Variants in KCTD8 observed in about 807,000 individuals in gnomAD.
KCTD8 encodes potassium channel tetramerization domain containing 8, also known as BTB/POZ domain-containing protein KCTD8.
A neutral mutation model predicts 31.5 loss-of-function variants in KCTD8; 27 were observed. That is an observed-to-expected ratio of 0.86 (90% CI 0.63 to 1.18). The LOEUF is 1.18. Among genes scored for constraint, KCTD8 ranks in the 50% most tolerant of loss-of-function variants. KCTD8 has a pLI of 0.00. For missense variants in KCTD8, 658 were observed against 647.7 expected, an observed-to-expected ratio of 1.02 and a Z score of -0.17; for synonymous variants, 290 against 280.0, an observed-to-expected ratio of 1.04 and a Z score of -0.36.
intron 1 of KCTD8, among the ~76,000 whole-genome samples, chr4:44,399,497 C>G (rs1720593095): frequency 6.6e-6 from 1 of 152,112 alleles, no homozygotes; most frequent in Non-Finnish European, 1.5e-5. Context: ...AGATCTAACT[C>G]AGAGGTGGAC....
intron 1 of KCTD8, among the ~76,000 whole-genome samples, chr4:44,376,569 T>A (rs1255203272): frequency 6.6e-6 from 1 of 152,224 alleles, no homozygotes; most frequent in Non-Finnish European, 1.5e-5. Flanking sequence ...GAAACCTATG[T>A]GATTTTCATC....
intron 1 of KCTD8, among the ~76,000 whole-genome samples, chr4:44,423,046 G>A (rs373137625): frequency 6.6e-6 from 1 of 152,118 alleles, no homozygotes; most frequent in African/African-American, 2.4e-5. Flanking sequence ...TTCTCAACCA[G>A]GGCAGTTTAC....
chr4:44,368,361 G>A (rs1198095822), intron 1 of KCTD8, among the ~76,000 whole-genome samples: 1 of 151,784 alleles, frequency 6.6e-6, no homozygotes, highest in South Asian at 2.1e-4. Context: ...CTCCAGCCCA[G>A]GTGACTGAGC....
intron 1 of KCTD8, among the ~76,000 whole-genome samples, chr4:44,288,906 T>C (rs2109383663): frequency 6.9e-6 from 1 of 145,890 alleles, no homozygotes; most frequent in Admixed American, 7.1e-5. Context: ...TATTCTTATT[T>C]GAACTTTTCT....
chr4:44,225,388 T>C (rs1714926778), intron 1 of KCTD8, among the ~76,000 whole-genome samples: 2 of 152,218 alleles, frequency 1.3e-5, no homozygotes, highest in Non-Finnish European at 2.9e-5. Context: ...TATAAGGTTT[T>C]ATTGGAACAC....
At chr4:44,192,423 G>C (rs963240506) in intron 1 of KCTD8, among the ~76,000 whole-genome samples, 5 of 149,278 alleles carry the variant, frequency 3.3e-5, no homozygotes, top group Admixed American at 3.3e-4. Context: ...TGTCCTGAGG[G>C]GAAAAAAAAA....
intron 1 of KCTD8, among the ~76,000 whole-genome samples, chr4:44,263,522 C>T (rs1020355015): frequency 1.3e-5 from 2 of 151,880 alleles, no homozygotes; most frequent in Admixed American, 6.6e-5. Flanking sequence ...GATTATTATA[C>T]AATTTAGTAT....
Position 44,448,156 on chromosome 4 carries a change from T to G in KCTD8, c.368A>C (p.His123Pro), listed in dbSNP as rs748990834. Residue 123 changes from histidine (H) to proline (P), a missense_variant, in exon 1 of 2, where the codon CAC (histidine) becomes CCC (proline). Physicochemically the swap from His to Pro is moderately conservative, Grantham distance 77. Coordinates refer to ENST00000360029, the MANE Select transcript of KCTD8 (RefSeq NM_198353.3). This position sits in a 1 kb window ranked among gnomAD's most constrained non-coding sequence, Gnocchi z 4.1. ...CAGCAGCCGCTCCTTCTCGGGGAAG[T>G]GCTCCGGCAGCGCGAGTTGCTTGTC... ...LRDKQLALPE[H>P]FPEKERLLRE... The G allele has an allele frequency of 4.7e-5, 75 of 1,612,242 alleles. No homozygotes were observed. The highest frequency in any genetic ancestry group is 6.4e-5 in the Non-Finnish European group (75 of 1,179,714).
At chr4:44,236,954 C>T (rs1054333105) in intron 1 of KCTD8, among the ~76,000 whole-genome samples, 2 of 152,258 alleles carry the variant, frequency 1.3e-5, no homozygotes, top group Admixed American at 6.5e-5. Flanking sequence ...TCTGCCACCA[C>T]GTAAGATGTG....
At chr4:44,281,247 T>C (rs1716896529) in intron 1 of KCTD8, among the ~76,000 whole-genome samples, 1 of 152,112 alleles carries the variant, frequency 6.6e-6, no homozygotes, top group Admixed American at 6.6e-5. Context: ...ATAATGCTGA[T>C]CACATTCACA....
chr4:44,335,952 C>T (rs1238650466), intron 1 of KCTD8, among the ~76,000 whole-genome samples: 1 of 151,046 alleles, frequency 6.6e-6, no homozygotes, highest in Non-Finnish European at 1.5e-5. Context: ...AGATTGAGAC[C>T]ATCCTGGCTA....
At chr4:44,223,543 G>T (rs765457326) in intron 1 of KCTD8, among the ~76,000 whole-genome samples, 6 of 152,260 alleles carry the variant, frequency 3.9e-5, no homozygotes, top group South Asian at 2.1e-4. Flanking sequence ...ATTGGTTAAA[G>T]AAATATTTCA....
intron 1 of KCTD8, among the ~76,000 whole-genome samples, chr4:44,373,369 A>G (rs1005091305): frequency 6.6e-6 from 1 of 151,784 alleles, no homozygotes. Context: ...CAAAAAAAAA[A>G]AGGCCAATAG....
At chr4:44,266,371 C>T (rs1405440851) in intron 1 of KCTD8, among the ~76,000 whole-genome samples, 1 of 152,166 alleles carries the variant, frequency 6.6e-6, no homozygotes, top group African/African-American at 2.4e-5. Flanking sequence ...CCAGGCCTGC[C>T]TTACAAGAGC....
intron 1 of KCTD8, among the ~76,000 whole-genome samples, chr4:44,386,207 C>G (rs1428715691): frequency 6.6e-6 from 1 of 151,198 alleles, no homozygotes; most frequent in Non-Finnish European, 1.5e-5. Flanking sequence ...GTATATACTC[C>G]CAAAATTGAA....
chr4:44,293,236 A>T (rs1717330174), intron 1 of KCTD8, among the ~76,000 whole-genome samples: 1 of 152,108 alleles, frequency 6.6e-6, no homozygotes, highest in Non-Finnish European at 1.5e-5. Flanking sequence ...CTATTTTAAG[A>T]GGTTTTTTCT....
chr4:44,298,615 A>C (rs1438453495), intron 1 of KCTD8, among the ~76,000 whole-genome samples: 8 of 152,206 alleles, frequency 5.3e-5, no homozygotes. Flanking sequence ...GAAGGTCCCT[A>C]AAACTTGCTT....
chr4:44,205,197 G>A (rs1018177613), intron 1 of KCTD8, among the ~76,000 whole-genome samples: 3 of 152,070 alleles, frequency 2.0e-5, no homozygotes, highest in South Asian at 2.1e-4. Flanking sequence ...AAGGAAACAC[G>A]TAAGAATAAT....
intron 1 of KCTD8, among the ~76,000 whole-genome samples, chr4:44,372,246 G>A (rs2109437099): frequency 6.6e-6 from 1 of 151,790 alleles, no homozygotes; most frequent in Middle Eastern, 3.4e-3. Context: ...GGTAAATTAG[G>A]TAGATGCACC....
Sources: gnomAD v4.1 joint callset for allele counts (sites outside exome capture counted in the v4.1 genomes callset) on GRCh38, gnomAD v4.1.1 for gene constraint, Gnocchi (gnomAD v3.1) non-coding constraint, MANE v1.5 for transcripts, NCBI Gene and HGNC (gene_info 2026-07-23, HGNC 2026-07-21) for gene names.